Variants in PACRG observed in about 807,000 individuals in gnomAD.
PACRG encodes parkin coregulated gene protein.
In PACRG, 29 loss-of-function variants were observed where a neutral mutation model predicts 29.7. The ratio of observed to expected loss-of-function variants is 0.98; its 90% CI spans 0.73 to 1.33. The LOEUF (loss-of-function observed/expected upper bound fraction) is 1.33. PACRG is among the 40% of genes most tolerant of loss of function. PACRG has a pLI of 0.00. For synonymous variants in PACRG, 116 were observed against 118.7 expected (o/e 0.98, Z 0.15); for missense variants, 279 against 316.2 (o/e 0.88, Z 0.89).
intron 4 of PACRG, among the ~76,000 whole-genome samples, chr6:163,236,538 C>A (rs182815701): frequency 8.5e-4 from 129 of 152,032 alleles, no homozygotes; most frequent in African/African-American, 3.0e-3. Context: ...CATTTTAGAA[C>A]TCTGATGGGA....
At chr6:162,839,663 T>C (rs1159212242) in intron 2 of PACRG, among the ~76,000 whole-genome samples, 2 of 152,056 alleles carry the variant, frequency 1.3e-5, no homozygotes, top group Non-Finnish European at 2.9e-5. Context: ...CATGAAGTCC[T>C]TGCCCATGCC....
At chr6:163,278,129 T>C (rs895872430) in intron 4 of PACRG, among the ~76,000 whole-genome samples, 1 of 152,238 alleles carries the variant, frequency 6.6e-6, no homozygotes, top group African/African-American at 2.4e-5. Flanking sequence ...GTCATTCATA[T>C]ATCTTCATTT....
chr6:162,918,299 C>T (rs1030680042), intron 2 of PACRG, among the ~76,000 whole-genome samples: 4 of 152,052 alleles, frequency 2.6e-5, no homozygotes, highest in Non-Finnish European at 4.4e-5. Flanking sequence ...ATGTGACGTC[C>T]ATATGAATAC....
At chr6:162,751,382 T>C (rs1035570593) in intron 1 of PACRG, among the ~76,000 whole-genome samples, 1 of 152,164 alleles carries the variant, frequency 6.6e-6, no homozygotes, top group African/African-American at 2.4e-5. Flanking sequence ...TTCCCATTAG[T>C]CACTCACATA....
chr6:163,232,171 C>T (rs1184153220), intron 4 of PACRG, among the ~76,000 whole-genome samples: 3 of 152,160 alleles, frequency 2.0e-5, no homozygotes, highest in Non-Finnish European at 4.4e-5. Flanking sequence ...CAGGACAAGC[C>T]AACACAGTGA....
intron 2 of PACRG, among the ~76,000 whole-genome samples, chr6:162,829,478 G>A (rs556426524): frequency 5.3e-4 from 80 of 152,308 alleles, no homozygotes; most frequent in Non-Finnish European, 1.0e-3. Context: ...CATTTCAGAA[G>A]GTTGCAATTT....
At chr6:162,789,699 A>T (rs531239506) in intron 1 of PACRG, among the ~76,000 whole-genome samples, 1 of 152,260 alleles carries the variant, frequency 6.6e-6, no homozygotes, top group African/African-American at 2.4e-5. Flanking sequence ...ATTATCAGGT[A>T]TTGATTTAGA....
At chr6:163,186,463 T>C (rs1234585412) in intron 4 of PACRG, among the ~76,000 whole-genome samples, 1 of 152,146 alleles carries the variant, frequency 6.6e-6, no homozygotes, top group African/African-American at 2.4e-5. Context: ...CTTGTCATTC[T>C]AAACTTGCCA....
intron 4 of PACRG, among the ~76,000 whole-genome samples, chr6:163,263,046 C>A (rs1340456630): frequency 6.7e-6 from 1 of 149,930 alleles, no homozygotes; most frequent in Non-Finnish European, 1.5e-5. Flanking sequence ...ACAAGACTCT[C>A]CCTCAAAAAT....
At chr6:162,966,737 A>C (rs1801065781) in intron 2 of PACRG, among the ~76,000 whole-genome samples, 1 of 151,922 alleles carries the variant, frequency 6.6e-6, no homozygotes, top group Non-Finnish European at 1.5e-5. Flanking sequence ...CCCCCTCCCA[A>C]AGTGCTGGGA....
intron 1 of PACRG, 101 bp downstream of exon 1, chr6:162,728,492 G>C: frequency 7.0e-7 from 1 of 1,433,634 alleles, no homozygotes; most frequent in East Asian, 2.3e-5. Context: ...CCATGTCCTG[G>C]GTGGTCTTTG....
intron 1 of PACRG, among the ~76,000 whole-genome samples, chr6:162,767,678 G>C (rs1782904092): frequency 6.6e-6 from 1 of 151,466 alleles, no homozygotes; most frequent in Non-Finnish European, 1.5e-5. Flanking sequence ...ATTTATTTCT[G>C]CCTTATCAGT....
In PACRG at chr6:162,945,331, G is replaced by A. The variant is rs183100401; in HGVS notation, c.292-116819G>A. Among the ~76,000 whole-genome samples, 562 of 151,794 alleles carry A rather than the reference G, an allele frequency of 3.7e-3. 5 individuals carry two copies. Among genetic ancestry groups the A allele is most frequent in the African/African-American group, 0.013 (532 of 41,420 alleles). ...ATGGAAAAAAATATTCCATGCAAAT[G>A]GAAACCAAAAACGGGCAGAAGTAGC... On this transcript the variant is annotated intron_variant, in intron 2 of 4. Transcript: ENST00000366888.
At chr6:162,742,928 A>G (rs1181465153) in intron 1 of PACRG, among the ~76,000 whole-genome samples, 2 of 152,048 alleles carry the variant, frequency 1.3e-5, no homozygotes, top group Admixed American at 6.5e-5. Flanking sequence ...TTTAAATTTT[A>G]ATTTTTTGAG....
intron 4 of PACRG, among the ~76,000 whole-genome samples, chr6:163,115,537 A>G (rs1416245510): frequency 6.6e-6 from 1 of 152,120 alleles, no homozygotes; most frequent in African/African-American, 2.4e-5. Flanking sequence ...CCACGCCCCT[A>G]CCCTAAGAGA....
intron 2 of PACRG, among the ~76,000 whole-genome samples, chr6:163,035,026 G>A (rs1808030233): frequency 6.6e-6 from 1 of 152,144 alleles, no homozygotes; most frequent in African/African-American, 2.4e-5. Flanking sequence ...GTAACTTCCT[G>A]ATGTTGCCAT....
At chr6:162,986,632 C>T (rs1802913076) in intron 2 of PACRG, among the ~76,000 whole-genome samples, 1 of 152,058 alleles carries the variant, frequency 6.6e-6, no homozygotes, top group African/African-American at 2.4e-5. Flanking sequence ...TGGAGAAACC[C>T]TTCTAGATAT....
intron 4 of PACRG, among the ~76,000 whole-genome samples, chr6:163,122,158 A>G (rs1021590687): frequency 1.3e-5 from 2 of 152,180 alleles, no homozygotes; most frequent in African/African-American, 4.8e-5. Context: ...AATTTCTAGT[A>G]TAAGTACATT....
chr6:163,134,674 CAG>C (rs1160687945), intron 4 of PACRG, among the ~76,000 whole-genome samples: 4 of 152,210 alleles, frequency 2.6e-5, no homozygotes, highest in East Asian at 1.9e-4. Flanking sequence ...TGTAAAATAA[CAG>C]GGGGAAAGCT....
Sources: allele counts gnomAD v4.1 joint callset (sites outside exome capture counted in the v4.1 genomes callset), GRCh38; gene constraint gnomAD v4.1.1; transcripts MANE v1.5; gene names NCBI Gene and HGNC (gene_info 2026-07-23, HGNC 2026-07-21).